FAM227B: variants seen among roughly 807,000 people sequenced by gnomAD.
FAM227B encodes the protein protein FAM227B.
In FAM227B, 88 loss-of-function variants were observed where a neutral mutation model predicts 73.8. That is an observed-to-expected ratio of 1.19 (90% CI 1.00 to 1.42). The LOEUF is 1.42. Among genes scored for constraint, FAM227B ranks in the 40% most tolerant of loss-of-function variants. The pLI is 0.00. For missense variants in FAM227B, 632 were observed against 590.9 expected (o/e 1.07, Z -0.72); for synonymous variants, 210 against 190.5 (o/e 1.10, Z -0.84).
At chr15:49,367,656 TA>T in intron 12 of FAM227B, 48 bp from the exon 13 acceptor site, 1 of 1,485,462 alleles carries the variant, frequency 6.7e-7, no homozygotes, top group Non-Finnish European at 9.0e-7. Context: ...TTTGTGTTTC[TA>T]AAAAACTGTG....
At chr15:49,380,317 T>C (rs933522565) in intron 11 of FAM227B, among the ~76,000 whole-genome samples, 20 of 152,146 alleles carry the variant, frequency 1.3e-4, no homozygotes, top group African/African-American at 4.8e-4. Context: ...AGAAATGCTG[T>C]CCAAGAGTCA....
chr15:49,345,621 C>G (rs2041362701), intron 13 of FAM227B, among the ~76,000 whole-genome samples: 1 of 152,158 alleles, frequency 6.6e-6, no homozygotes, highest in Non-Finnish European at 1.5e-5. Context: ...TCTGAATTGG[C>G]CTCATACTTT....
Position 49,493,488 on chromosome 15 carries a change from TCTCA to T in FAM227B, c.1012+14719_1012+14722del, listed in dbSNP as rs757718166. Reference sequence around the variant, plus strand: ...CTCTATCATCCAGAATGTCTCAACTTCTCACTATCAATCCATACCCTGCTCTGCC... The same window carrying T: ...CTCTATCATCCAGAATGTCTCAACTTCTATCAATCCATACCCTGCTCTGCC... On this transcript the variant is annotated intron_variant, in intron 11 of 15. Transcript: ENST00000299338. Among the ~76,000 whole-genome samples, 16 of 152,076 alleles carry T rather than the reference TCTCA, an allele frequency of 1.1e-4. No homozygotes were observed. In the South Asian group the frequency reaches 1.2e-3, roughly 12 times the overall value.
At position 49,545,135 on chromosome 15, in the gene FAM227B, C is replaced by CT. The variant is rs150480465; in HGVS notation, c.748-3330dup. Among the ~76,000 whole-genome samples the CT allele has an allele frequency of 4.6e-5, 7 of 151,644 alleles. No individual in the cohort carries two copies. The East Asian group carries it at 5.8e-4, about 13-fold the overall frequency. ...GCTGTGAATTCATCTGATCCTCAAA[C>CT]TTTTTTTTGGCAATTTTTTTATTAC... On this transcript the variant is annotated intron_variant, in intron 9 of 15. Transcript: ENST00000299338.
intron 11 of FAM227B, among the ~76,000 whole-genome samples, chr15:49,385,480 T>C (rs1253701909): frequency 6.6e-6 from 1 of 151,630 alleles, no homozygotes; most frequent in African/African-American, 2.4e-5. Context: ...GTATAAATGG[T>C]AATCAATATT....
chr15:49,546,306 C>G (rs1361502417), intron 9 of FAM227B, among the ~76,000 whole-genome samples: 9 of 152,084 alleles, frequency 5.9e-5, no homozygotes, highest in African/African-American at 7.2e-5. Flanking sequence ...TTTTATGGCT[C>G]CATAGTATTC....
At position 49,328,098 on chromosome 15, in the gene FAM227B, A is replaced by T. The variant is rs2037847300; in HGVS notation, c.*470T>A. ...AGGAGTGATGGAAGCTTAGCACCGG[A>T]GAAGCAAAGTTTGTTTGCTACCAAA... On this transcript the variant is annotated 3_prime_UTR_variant, in exon 16 of 16. Transcript: ENST00000299338. 1 of 1,614,000 alleles carries T rather than the reference A, an allele frequency of 6.2e-7. No individual in the cohort carries two copies. Among genetic ancestry groups the T allele is most frequent in the East Asian group, 2.2e-5 (1 of 44,880 alleles).
At chr15:49,603,024 A>T (rs1391447941) in intron 3 of FAM227B, among the ~76,000 whole-genome samples, 1 of 152,170 alleles carries the variant, frequency 6.6e-6, no homozygotes, top group African/African-American at 2.4e-5. Context: ...TTATGCCAGT[A>T]CCATGCTGTT....
intron 11 of FAM227B, among the ~76,000 whole-genome samples, chr15:49,385,577 G>T (rs2046829170): frequency 6.7e-6 from 1 of 148,696 alleles, no homozygotes; most frequent in African/African-American, 2.5e-5. Flanking sequence ...AACTCACTGG[G>T]TCTATAAAAC....
At chr15:49,598,210 A>G (rs2076991346) in intron 3 of FAM227B, among the ~76,000 whole-genome samples, 1 of 151,916 alleles carries the variant, frequency 6.6e-6, no homozygotes, top group Non-Finnish European at 1.5e-5. Context: ...ATTTATCCAT[A>G]AGTATTTTTT....
At chr15:49,445,906 C>T (rs1449955591) in intron 11 of FAM227B, among the ~76,000 whole-genome samples, 4 of 151,500 alleles carry the variant, frequency 2.6e-5, no homozygotes, top group Non-Finnish European at 5.9e-5. Context: ...ACAAACATAT[C>T]TATACTATCA....
At chr15:49,574,986 A>G (rs751064806) in intron 8 of FAM227B, 25 bp downstream of exon 8, 2 of 1,408,896 alleles carry the variant, frequency 1.4e-6, no homozygotes, top group Non-Finnish European at 1.9e-6. Flanking sequence ...CAACTTAAAA[A>G]ATAAATTTTT....
intron 9 of FAM227B, among the ~76,000 whole-genome samples, chr15:49,567,476 A>T (rs934251049): frequency 6.6e-6 from 1 of 152,216 alleles, no homozygotes; most frequent in East Asian, 1.9e-4. Flanking sequence ...TGTGTTTGTG[A>T]GTAAGATAGG....
chr15:49,329,663 A>C (rs1208223819), intron 15 of FAM227B: 1 of 984,110 alleles, frequency 1.0e-6, no homozygotes, highest in Non-Finnish European at 1.2e-6. Context: ...CAAATTTGTT[A>C]AAAGAATTTT....
intron 11 of FAM227B, among the ~76,000 whole-genome samples, chr15:49,395,640 A>G (rs930602500): frequency 6.6e-6 from 1 of 152,202 alleles, no homozygotes; most frequent in East Asian, 1.9e-4. Context: ...AATTTTTACC[A>G]CAGGATATTT....
At chr15:49,472,726 TAGAA>T (rs1597415276) in intron 11 of FAM227B, among the ~76,000 whole-genome samples, 1 of 151,950 alleles carries the variant, frequency 6.6e-6, no homozygotes. Flanking sequence ...AAGAAGAGAA[TAGAA>T]AGCTTATTAT....
chr15:49,605,572 C>A (rs2077465240), intron 3 of FAM227B, among the ~76,000 whole-genome samples: 1 of 151,816 alleles, frequency 6.6e-6, no homozygotes, highest in Non-Finnish European at 1.5e-5. Context: ...GGTTCCTGGA[C>A]TTGTGGGGTT....
chr15:49,500,132 T>C (rs1312812270), intron 11 of FAM227B, among the ~76,000 whole-genome samples: 1 of 152,166 alleles, frequency 6.6e-6, no homozygotes, highest in Non-Finnish European at 1.5e-5. Flanking sequence ...ATGAATAACT[T>C]TTTTCTAGGC....
intron 11 of FAM227B, among the ~76,000 whole-genome samples, chr15:49,392,803 T>C (rs909701902): frequency 1.3e-5 from 2 of 152,202 alleles, no homozygotes; most frequent in Admixed American, 6.5e-5. Context: ...CATAAGCTCT[T>C]AATGAGCCTA....
Sources: allele counts gnomAD v4.1 joint callset (sites outside exome capture counted in the v4.1 genomes callset), GRCh38; gene constraint gnomAD v4.1.1; transcripts MANE v1.5; gene names NCBI Gene and HGNC (gene_info 2026-07-23, HGNC 2026-07-21).